The following GTF2B variants were observed in gnomAD, a reference collection of about 807,000 sequenced individuals.
GTF2B encodes the protein general transcription factor IIB.
In GTF2B, 20 loss-of-function variants were observed where a neutral mutation model predicts 34.6. That is an observed-to-expected ratio of 0.58 (90% CI 0.41 to 0.84). The LOEUF is 0.84. Ranked by LOEUF, GTF2B falls within the 40% of genes least tolerant of loss-of-function variation. The pLI is 0.00. For missense variants in GTF2B, 237 were observed against 393.3 expected (o/e 0.60, Z 3.36); for synonymous variants, 142 against 132.4 (o/e 1.07, Z -0.50).
At chr1:88,887,626 C>A (rs960840984) in intron 1 of GTF2B, 1 of 386,738 alleles carries the variant, frequency 2.6e-6, no homozygotes, top group African/African-American at 2.1e-5. Flanking sequence ...ATAATTGTTT[C>A]TTCTCTCAAT....
chr1:88,884,375 C>G (rs1674017553), intron 2 of GTF2B, among the ~76,000 whole-genome samples: 1 of 152,210 alleles, frequency 6.6e-6, no homozygotes, highest in Non-Finnish European at 1.5e-5. Context: ...TAACATTGAT[C>G]TAGTCATCAA....
At chr1:88,865,068 C>A (rs989505915) in intron 2 of GTF2B, among the ~76,000 whole-genome samples, 5 of 152,116 alleles carry the variant, frequency 3.3e-5, no homozygotes, top group African/African-American at 7.2e-5. Context: ...GTATACACAG[C>A]AAACAGAAAG....
intron 3 of GTF2B, 144 bp from the exon 4 acceptor site, chr1:88,860,430 A>T (rs1447679272): frequency 5.0e-6 from 3 of 600,936 alleles, no homozygotes; most frequent in Non-Finnish European, 8.7e-6. Context: ...TACTAAATGA[A>T]CATGTAATTC....
chr1:88,874,496 AAT>A (rs1491517687), intron 2 of GTF2B, among the ~76,000 whole-genome samples: 1,849 of 102,776 alleles, frequency 0.018, 73 homozygotes, highest in African/African-American at 0.059. Flanking sequence ...CAGCTAATTA[AAT>A]TTTTTTTTTT....
chr1:88,870,190 T>C (rs777164635), intron 2 of GTF2B, among the ~76,000 whole-genome samples: 1 of 152,128 alleles, frequency 6.6e-6, no homozygotes, highest in African/African-American at 2.4e-5. Flanking sequence ...CCTCCCAAAG[T>C]GCTGGGATTA....
At chr1:88,890,097 T>C (rs1202901640) in intron 1 of GTF2B, among the ~76,000 whole-genome samples, 1 of 151,414 alleles carries the variant, frequency 6.6e-6, no homozygotes, top group African/African-American at 2.4e-5. Context: ...ATAACTGCTA[T>C]GATACATAAA....
intron 6 of GTF2B, among the ~76,000 whole-genome samples, chr1:88,856,804 GTTTTTT>G (rs139940304): frequency 7.3e-6 from 1 of 137,774 alleles, no homozygotes; most frequent in African/African-American, 2.7e-5. Flanking sequence ...TTAAACGTGG[GTTTTTT>G]TTTTTTTTTG....
At chr1:88,884,967 G>A (rs1674027990) in intron 2 of GTF2B, among the ~76,000 whole-genome samples, 1 of 152,198 alleles carries the variant, frequency 6.6e-6, no homozygotes, top group Non-Finnish European at 1.5e-5. Flanking sequence ...CATATGTGGC[G>A]ATCAACATGT....
chr1:88,882,784 T>G (rs953876098), intron 2 of GTF2B, among the ~76,000 whole-genome samples: 6 of 152,254 alleles, frequency 3.9e-5, no homozygotes, highest in African/African-American at 1.4e-4. Context: ...AGCATATTTA[T>G]TGCTTGGAAG....
intron 2 of GTF2B, among the ~76,000 whole-genome samples, chr1:88,866,272 TGAG>T (rs1673558265): frequency 6.6e-6 from 1 of 152,146 alleles, no homozygotes. Flanking sequence ...GAGGATCACC[TGAG>T]CCCAGGAGGT....
intron 6 of GTF2B, among the ~76,000 whole-genome samples, chr1:88,855,359 GTTT>G (rs750561898): frequency 2.4e-5 from 3 of 124,172 alleles, no homozygotes; most frequent in Admixed American, 8.1e-5. Flanking sequence ...TTCTGTTTTT[GTTT>G]TTTTTTTTTT....
chr1:88,882,479 C>T (rs1557661088), intron 2 of GTF2B, among the ~76,000 whole-genome samples: 1 of 152,128 alleles, frequency 6.6e-6, no homozygotes, highest in Non-Finnish European at 1.5e-5. Flanking sequence ...GTTAAGCAAA[C>T]ATTTTCTGTA....
chr1:88,874,443 A>G (rs949353890), intron 2 of GTF2B, among the ~76,000 whole-genome samples: 2 of 150,678 alleles, frequency 1.3e-5, no homozygotes, highest in African/African-American at 4.9e-5. Flanking sequence ...GGGGGAACTA[A>G]TTCCCCCAAG....
chr1:88,854,033 T>C lies in GTF2B; in HGVS notation c.818-687A>G, dbSNP rs1557651295. Among the ~76,000 whole-genome samples, 10 of 152,206 alleles carry C rather than the reference T, an allele frequency of 6.6e-5. No homozygotes were observed. The South Asian group carries it at 2.1e-3, about 32-fold the overall frequency. On this transcript the variant is annotated intron_variant, in intron 6 of 6. Transcript: ENST00000370500. ...TAGTATTAGGAGTGTTATCATCTTA[T>C]ACTGGGTATTGTATTTACAACTGAC...
At chr1:88,880,945 G>A (rs541118475) in intron 2 of GTF2B, among the ~76,000 whole-genome samples, 3 of 149,186 alleles carry the variant, frequency 2.0e-5, no homozygotes, top group African/African-American at 5.0e-5. Flanking sequence ...GGAGGTGGAG[G>A]TTACAGTAAG....
chr1:88,874,370 G>C (rs1557658429), intron 2 of GTF2B, among the ~76,000 whole-genome samples: 2 of 151,492 alleles, frequency 1.3e-5, no homozygotes, highest in African/African-American at 4.9e-5. Flanking sequence ...CTAGAGTGCA[G>C]TGACACAATC....
In GTF2B at chr1:88,859,871, T is replaced by TA; in HGVS notation, c.535+10dup. On this transcript the variant is annotated intron_variant, in intron 5 of 6. Coordinates refer to ENST00000370500, the MANE Select transcript of GTF2B (RefSeq NM_001514.6). The stretch of plus-strand genomic sequence containing the variant: ...ACAAACAAACACAAAAAAACAAAGC[T>TA]AAAAACTTACCTTTAAATGTCCTAG... 6.2e-7 allele frequency: 1 copy of TA among 1,609,038 alleles called. No homozygotes were observed.
At position 88,864,109 on chromosome 1, in the gene GTF2B, G is replaced by A. The variant is rs1352867601; in HGVS notation, c.130C>T (p.Arg44Trp). 6.2e-7 allele frequency: 1 copy of A among 1,613,664 alleles called. No homozygotes were observed. Among genetic ancestry groups the A allele is most frequent in the South Asian group, 1.1e-5 (1 of 91,068 alleles). The change falls in exon 3 of 7, where the codon CGG (arginine) becomes TGG (tryptophan). Residue 44 changes from arginine (R) to tryptophan (W), a missense_variant. Physicochemically the swap from Arg to Trp is moderately radical, Grantham distance 101 (BLOSUM62 -3). Transcript: ENST00000370500. ...CATTCAGATCCCACATCAATAACCC[G>A]GTCACCTAAGAATATAAGCACATAT... ...CPECGLVVGDRVIDVGSEWRT... is the reference protein window; with the variant it reads ...CPECGLVVGDWVIDVGSEWRT...
intron 6 of GTF2B, among the ~76,000 whole-genome samples, chr1:88,856,683 G>A (rs558060281): frequency 6.6e-4 from 101 of 152,128 alleles, no homozygotes; most frequent in African/African-American, 2.3e-3. Context: ...TAATTCAAAT[G>A]GGAAAAAAAT....
Sources: gnomAD v4.1 joint callset for allele counts (sites outside exome capture counted in the v4.1 genomes callset) on GRCh38, gnomAD v4.1.1 for gene constraint, MANE v1.5 for transcripts, NCBI Gene and HGNC (gene_info 2026-07-23, HGNC 2026-07-21) for gene names.